Variants in POU6F2 observed in about 807,000 individuals in gnomAD.
POU6F2 encodes the protein POU domain, class 6, transcription factor 2.
A neutral mutation model predicts 71.3 loss-of-function variants in POU6F2; 31 were observed. That is an observed-to-expected ratio of 0.43 (90% CI 0.33 to 0.59). The LOEUF is 0.59. Among genes scored for constraint, POU6F2 ranks in the 20% least tolerant of loss-of-function variants. The pLI is 0.04. For synonymous variants in POU6F2, 347 were observed against 355.7 expected (o/e 0.98, Z 0.27); for missense variants, 783 against 856.8 (o/e 0.91, Z 1.07).
intron 7 of POU6F2, among the ~76,000 whole-genome samples, chr7:39,434,959 G>C (rs1197713111): frequency 6.6e-6 from 1 of 152,158 alleles, no homozygotes; most frequent in Non-Finnish European, 1.5e-5. Flanking sequence ...CAAAGGACAT[G>C]ACCTCATTCC....
At chr7:39,350,920 GAGA>G (rs1366586265) in intron 5 of POU6F2, among the ~76,000 whole-genome samples, 1 of 152,220 alleles carries the variant, frequency 6.6e-6, no homozygotes, top group Non-Finnish European at 1.5e-5. Flanking sequence ...TCTTTTCCAA[GAGA>G]AGATTTTCCA....
At chr7:39,303,792 A>G (rs1289545399) in intron 4 of POU6F2, among the ~76,000 whole-genome samples, 1 of 152,250 alleles carries the variant, frequency 6.6e-6, no homozygotes, top group Admixed American at 6.5e-5. Context: ...GAAGTTCAAT[A>G]AATTCTAAGA....
chr7:39,076,739 T>A (rs1369464948), intron 1 of POU6F2, among the ~76,000 whole-genome samples: 1 of 152,160 alleles, frequency 6.6e-6, no homozygotes, highest in East Asian at 1.9e-4. Flanking sequence ...TATCTCCCTT[T>A]GAGGTCCTGG....
Position 39,436,820 on chromosome 7 carries a change from CTT to C in POU6F2, c.1320+3540_1320+3541del, listed in dbSNP as rs760618351. ...CCATCAATACCTAGTTTATTGAGAGCTTTTAACATGAAGGGATGTTGAATTTT... is the reference window on the plus strand; with the variant it reads ...CCATCAATACCTAGTTTATTGAGAGCTTAACATGAAGGGATGTTGAATTTT... On this transcript the variant is annotated intron_variant, in intron 7 of 9. Coordinates refer to ENST00000518318, the MANE Select transcript of POU6F2 (RefSeq NM_001370959.1). Among the ~76,000 whole-genome samples the C allele has an allele frequency of 6.6e-5, 10 of 152,108 alleles. No homozygotes were observed. In the East Asian group the frequency reaches 1.9e-3, roughly 29 times the overall value.
chr7:39,056,873 T>C (rs980960236), intron 1 of POU6F2, among the ~76,000 whole-genome samples: 1 of 152,152 alleles, frequency 6.6e-6, no homozygotes, highest in African/African-American at 2.4e-5. Flanking sequence ...TTATCTTCTT[T>C]ACTCTGTCTT....
At chr7:39,149,630 C>T (rs1052679910) in intron 2 of POU6F2, among the ~76,000 whole-genome samples, 3 of 152,166 alleles carry the variant, frequency 2.0e-5, no homozygotes, top group South Asian at 2.1e-4. Flanking sequence ...GTTCATCCTA[C>T]TTATTTGCTA....
intron 2 of POU6F2, among the ~76,000 whole-genome samples, chr7:39,090,342 G>A (rs1215402401): frequency 6.6e-6 from 1 of 151,994 alleles, no homozygotes; most frequent in African/African-American, 2.4e-5. Flanking sequence ...CAGTAGAGTC[G>A]CTTTCAATGA....
chr7:39,239,467 A>T (rs1225664390), intron 4 of POU6F2, among the ~76,000 whole-genome samples: 1 of 152,170 alleles, frequency 6.6e-6, no homozygotes, highest in South Asian at 2.1e-4. Flanking sequence ...TTGCAGAAAT[A>T]TTAATGTGCT....
At chr7:39,350,793 C>T (rs1786125261) in intron 5 of POU6F2, among the ~76,000 whole-genome samples, 1 of 152,238 alleles carries the variant, frequency 6.6e-6, no homozygotes, top group East Asian at 1.9e-4. Context: ...GCCACTGGGC[C>T]TTGCCTGGCA....
At chr7:39,019,226 C>CA (rs1388946196) in intron 1 of POU6F2, among the ~76,000 whole-genome samples, 1 of 152,032 alleles carries the variant, frequency 6.6e-6, no homozygotes, top group Non-Finnish European at 1.5e-5. Flanking sequence ...ATTTTAAGTT[C>CA]AAAATAATTC....
chr7:39,429,686 G>A (rs1788053380), intron 6 of POU6F2, among the ~76,000 whole-genome samples: 1 of 152,132 alleles, frequency 6.6e-6, no homozygotes, highest in Non-Finnish European at 1.5e-5. Context: ...AGTTGTCCGT[G>A]TGCTCAGTGG....
At chr7:39,322,960 C>T (rs761825775) in intron 4 of POU6F2, among the ~76,000 whole-genome samples, 18 of 152,096 alleles carry the variant, frequency 1.2e-4, no homozygotes, top group Admixed American at 6.5e-5. Flanking sequence ...GTGAACTTAA[C>T]CAAAGCAAGC....
intron 2 of POU6F2, among the ~76,000 whole-genome samples, chr7:39,111,488 G>T (rs1462337577): frequency 6.6e-6 from 1 of 152,002 alleles, no homozygotes; most frequent in African/African-American, 2.4e-5. Context: ...TTTGGGTTTT[G>T]TTCTTTTTGC....
At chr7:39,053,895 G>C (rs987728695) in intron 1 of POU6F2, among the ~76,000 whole-genome samples, 9 of 152,044 alleles carry the variant, frequency 5.9e-5, no homozygotes, top group Non-Finnish European at 1.3e-4. Context: ...TTGAGGTCAG[G>C]AGTTAGAGAC....
intron 1 of POU6F2, among the ~76,000 whole-genome samples, chr7:39,053,812 A>T (rs73120491): frequency 0.11 from 16,797 of 151,606 alleles, 1,015 homozygotes; most frequent in Middle Eastern, 0.17. Context: ...AATGAAATTT[A>T]AAAAAAAAGA....
intron 4 of POU6F2, among the ~76,000 whole-genome samples, chr7:39,328,153 T>G (rs984305890): frequency 6.6e-6 from 1 of 152,216 alleles, no homozygotes; most frequent in African/African-American, 2.4e-5. Context: ...TCTCCTGACC[T>G]CGTGATCCAC....
At chr7:39,305,105 A>G (rs1312295673) in intron 4 of POU6F2, among the ~76,000 whole-genome samples, 3 of 152,252 alleles carry the variant, frequency 2.0e-5, no homozygotes, top group East Asian at 1.9e-4. Context: ...GCCAATATGT[A>G]ACTTACAGGC....
chr7:39,379,210 A>C (rs966878985), intron 5 of POU6F2, among the ~76,000 whole-genome samples: 2 of 152,198 alleles, frequency 1.3e-5, no homozygotes, highest in African/African-American at 2.4e-5. Context: ...GGAAATACAC[A>C]ACAGACCTTT....
intron 2 of POU6F2, among the ~76,000 whole-genome samples, chr7:39,171,080 T>C (rs1039250379): frequency 8.0e-5 from 12 of 149,646 alleles, no homozygotes; most frequent in Admixed American, 7.3e-4. Context: ...ACGTGCAGGT[T>C]TGTTACATAG....
Sources: allele counts gnomAD v4.1 joint callset (sites outside exome capture counted in the v4.1 genomes callset), GRCh38; gene constraint gnomAD v4.1.1; transcripts MANE v1.5; gene names NCBI Gene and HGNC (gene_info 2026-07-23, HGNC 2026-07-21).